The following KCNIP4 variants were observed in gnomAD, a reference collection of about 807,000 sequenced individuals.
KCNIP4 encodes the protein Kv channel-interacting protein 4.
Under a neutral mutation model 34.0 loss-of-function variants are expected in KCNIP4, and 12 were observed. The observed-to-expected ratio is 0.35, with a 90% CI of 0.23 to 0.57. The LOEUF is 0.57. Ranked by LOEUF, KCNIP4 falls within the 20% of genes least tolerant of loss-of-function variation. KCNIP4 has a pLI of 0.83. For synonymous variants in KCNIP4, 124 were observed against 102.2 expected, an observed-to-expected ratio of 1.21 and a Z score of -1.29; for missense variants, 238 against 311.7, an observed-to-expected ratio of 0.76 and a Z score of 1.78.
At chr4:21,614,921 C>T (rs1213661067) in intron 1 of KCNIP4, among the ~76,000 whole-genome samples, 1 of 152,130 alleles carries the variant, frequency 6.6e-6, no homozygotes, top group Non-Finnish European at 1.5e-5. Context: ...GCACATGTGT[C>T]ACCGTCTGAA....
chr4:20,854,391 T>C (rs1721356801), intron 2 of KCNIP4, among the ~76,000 whole-genome samples: 1 of 152,162 alleles, frequency 6.6e-6, no homozygotes. Context: ...AACTCAAGAA[T>C]GGAAAACCAA....
intron 1 of KCNIP4, among the ~76,000 whole-genome samples, chr4:21,073,426 T>C (rs568363158): frequency 1.3e-5 from 2 of 152,336 alleles, no homozygotes; most frequent in South Asian, 2.1e-4. Context: ...GGAAGTTCAC[T>C]CATGATTTGG....
intron 1 of KCNIP4, among the ~76,000 whole-genome samples, chr4:20,936,401 G>A (rs935590578): frequency 9.0e-6 from 1 of 111,448 alleles, no homozygotes; most frequent in Non-Finnish European, 1.8e-5. Flanking sequence ...CAGGTACTAA[G>A]ATTAAAAGAT....
intron 1 of KCNIP4, chr4:21,844,583 T>C (rs1176506817): frequency 6.6e-6 from 1 of 152,108 alleles, no homozygotes; most frequent in African/African-American, 2.4e-5. Context: ...TCCTGCTAGC[T>C]GACCTTCATT....
At chr4:21,335,365 A>G (rs75369486) in intron 1 of KCNIP4, among the ~76,000 whole-genome samples, 74 of 152,248 alleles carry the variant, frequency 4.9e-4, no homozygotes, top group African/African-American at 1.7e-3. Context: ...AGCACAATCA[A>G]TGGATTATCT....
chr4:21,192,773 T>C (rs935787910), intron 1 of KCNIP4, among the ~76,000 whole-genome samples: 2 of 151,944 alleles, frequency 1.3e-5, no homozygotes, highest in African/African-American at 4.8e-5. Flanking sequence ...AGAAAAATAA[T>C]GGCAGGCCTT....
chr4:21,268,674 C>T (rs1037344075), intron 1 of KCNIP4, among the ~76,000 whole-genome samples: 1 of 152,164 alleles, frequency 6.6e-6, no homozygotes, highest in African/African-American at 2.4e-5. Flanking sequence ...GGCCTTTGAG[C>T]CTGTGAGGCA....
intron 1 of KCNIP4, among the ~76,000 whole-genome samples, chr4:21,785,416 C>A (rs145725347): frequency 0.055 from 8,313 of 151,854 alleles, 294 homozygotes; most frequent in African/African-American, 0.1. Context: ...CATGGTGAAA[C>A]CCTGCCTCTA....
intron 1 of KCNIP4, among the ~76,000 whole-genome samples, chr4:21,154,441 C>T (rs1396511417): frequency 6.6e-6 from 1 of 152,078 alleles, no homozygotes; most frequent in East Asian, 1.9e-4. Context: ...TGAATCATGC[C>T]CAGCTCTTAT....
chr4:21,421,038 C>T (rs1725411029), intron 1 of KCNIP4, among the ~76,000 whole-genome samples: 1 of 152,142 alleles, frequency 6.6e-6, no homozygotes, highest in Non-Finnish European at 1.5e-5. Flanking sequence ...ATATGAAATG[C>T]TCATCATCAC....
chr4:21,582,016 TA>T (rs1388079175), intron 1 of KCNIP4: 1 of 136,568 alleles, frequency 7.3e-6, no homozygotes, highest in Non-Finnish European at 1.6e-5. Context: ...AAGAATAGAA[TA>T]GAATAGAATA....
intron 3 of KCNIP4, among the ~76,000 whole-genome samples, chr4:20,786,619 G>C (rs1252508352): frequency 6.6e-6 from 1 of 151,918 alleles, no homozygotes; most frequent in African/African-American, 2.4e-5. Flanking sequence ...AACTTACCTG[G>C]GTAATTTCTG....
intron 1 of KCNIP4, among the ~76,000 whole-genome samples, chr4:21,923,896 A>C (rs1001258411): frequency 4.6e-5 from 7 of 152,196 alleles, no homozygotes; most frequent in Admixed American, 3.3e-4. Context: ...CCCATAAAAA[A>C]CAGTGGTGTC....
chr4:21,145,042 A>G (rs1383581500), intron 1 of KCNIP4, among the ~76,000 whole-genome samples: 1 of 152,214 alleles, frequency 6.6e-6, no homozygotes, highest in Non-Finnish European at 1.5e-5. Flanking sequence ...AAAATAAGCC[A>G]CAAGAAATCA....
intron 1 of KCNIP4, among the ~76,000 whole-genome samples, chr4:21,704,626 A>C (rs1179825465): frequency 2.0e-5 from 3 of 152,198 alleles, no homozygotes; most frequent in Non-Finnish European, 4.4e-5. Context: ...TAGCATTACT[A>C]ATTATTGAAA....
chr4:21,471,460 G>T (rs1730463099), intron 1 of KCNIP4, among the ~76,000 whole-genome samples: 4 of 152,080 alleles, frequency 2.6e-5, no homozygotes, highest in Admixed American at 2.6e-4. Context: ...AATTTTATCG[G>T]AATCTTTATC....
chr4:21,748,693 G>T (rs1716943254), intron 1 of KCNIP4, among the ~76,000 whole-genome samples: 1 of 152,070 alleles, frequency 6.6e-6, no homozygotes, highest in Admixed American at 6.6e-5. Context: ...TTATTTTTAG[G>T]ATTGTTGTAC....
At chr4:21,089,396 A>T (rs1271429833) in intron 1 of KCNIP4, among the ~76,000 whole-genome samples, 1 of 152,180 alleles carries the variant, frequency 6.6e-6, no homozygotes, top group East Asian at 1.9e-4. Flanking sequence ...GGCTTCCTGC[A>T]CAGCTTGTAA....
chr4:20,781,763 C>T (rs960363812), intron 3 of KCNIP4, among the ~76,000 whole-genome samples: 8 of 152,266 alleles, frequency 5.3e-5, no homozygotes, highest in African/African-American at 1.9e-4. Context: ...CAAACCATAT[C>T]ATTCAATCCC....
Sources: allele counts gnomAD v4.1 joint callset (sites outside exome capture counted in the v4.1 genomes callset), GRCh38; gene constraint gnomAD v4.1.1; transcripts MANE v1.5; gene names NCBI Gene and HGNC (gene_info 2026-07-23, HGNC 2026-07-21).